The following ARSD variants were observed in gnomAD, a reference collection of about 807,000 sequenced individuals.
ARSD encodes the protein testis tissue sperm-binding protein Li 39a.
In ARSD, 21 loss-of-function variants were observed where a neutral mutation model predicts 32.6. The observed-to-expected ratio is 0.64, with a 90% CI of 0.46 to 0.93. ARSD has a LOEUF of 0.93. ARSD is among the 40% of genes least tolerant of loss of function. The pLI, the probability that ARSD is intolerant of heterozygous loss-of-function variation, is 0.00. For missense variants in ARSD, 454 were observed against 520.9 expected, an observed-to-expected ratio of 0.87 and a Z score of 1.25; for synonymous variants, 224 against 237.4, an observed-to-expected ratio of 0.94 and a Z score of 0.52.
intron 1 of ARSD, 81 bp from the exon 2 acceptor site, chrX:2,925,846 A>T: frequency 1.0e-6 from 1 of 997,121 alleles, no homozygotes; most frequent in African/African-American, 1.9e-5. Flanking sequence ...CTCGCTGGGA[A>T]GGCGAAGGTC....
At position 2,918,066 on chromosome X, in the gene ARSD, A is replaced by G. The variant is rs1236434935; in HGVS notation, c.601T>C (p.Trp201Arg). 2 of 1,200,312 alleles carry G rather than the reference A, an allele frequency of 1.7e-6. No homozygotes were observed. The highest frequency in any genetic ancestry group is 2.2e-6 in the Non-Finnish European group (2 of 889,819). The stretch of plus-strand genomic sequence containing the variant: ...AGCGCCAGGAACTGGGTGTAACCCC[A>G]GAGCTGCGCCCTCAGGGCGGCGTCC... ...EVDAALRAQL[W>R]GYTQFLALGI... The change falls in exon 5 of 10, where the codon TGG becomes CGG. Residue 201 changes from tryptophan to arginine, a missense_variant. Coordinates refer to ENST00000381154, the MANE Select transcript of ARSD (RefSeq NM_001669.4).
At chrX:2,928,590 C>T (rs1050199563) in intron 1 of ARSD, among the ~76,000 whole-genome samples, 1 of 94,106 alleles carries the variant, frequency 1.1e-5, no homozygotes, top group South Asian at 5.9e-4. Flanking sequence ...CACAGCTGTG[C>T]TCGGGAGGAC....
intron 1 of ARSD, among the ~76,000 whole-genome samples, chrX:2,928,976 T>TC (rs934679460): frequency 1.7e-4 from 19 of 110,937 alleles, no homozygotes; most frequent in Non-Finnish European, 3.0e-4. Context: ...CCTTCCGCCT[T>TC]CCCTTCAGTT....
In ARSD at chrX:2,907,454, G is replaced by A. The variant is rs777709121; in HGVS notation, c.1599C>T (p.Ser533=). The A allele has an allele frequency of 2.6e-5, 32 of 1,209,030 alleles. No homozygotes were observed. The highest frequency in any genetic ancestry group is 3.0e-5 in the East Asian group (1 of 33,707). ...CTATCACGGCGTGGTACAGGGGCTC[G>A]GAGTCGGGGGTCAGGGGCCGTGCCT... The part of the protein sequence containing the change: ...PSEARPLTPD[S]EPLYHAVIAR... The change falls in exon 10 of 10, where the codon TCC becomes TCT. Residue 533 remains serine (S), a synonymous_variant. Coordinates refer to ENST00000381154, the MANE Select transcript of ARSD (RefSeq NM_001669.4).
rs2088844409 is a variant in ARSD at position 2,905,273 on chromosome X, G to C, written c.*1998C>G. 8.6e-5 allele frequency: 19 copies of C among 221,154 alleles called. No individual in the cohort carries two copies. In the South Asian group the frequency reaches 9.7e-4, roughly 11 times the overall value. The allele number at this position is 221,154 out of a possible 1,213,427, so 18.2% of individuals were successfully genotyped here. On this transcript the variant is annotated 3_prime_UTR_variant, in exon 10 of 10. Coordinates refer to ENST00000381154, the MANE Select transcript of ARSD (RefSeq NM_001669.4). ...CACCTAATACCTGGTATTGAACACTGCCTTTCTTAGATGTCATTTAGGCTC... is the reference window on the plus strand; with the variant it reads ...CACCTAATACCTGGTATTGAACACTCCCTTTCTTAGATGTCATTTAGGCTC...
chrX:2,929,313 C>T lies in ARSD; in HGVS notation c.-38G>A, dbSNP rs1266100612. ...GCCCAGAGCGCAGGACCTTGCCCTG[C>T]GCACTCCGCGCCCGGGCGCCGCTAG... On this transcript the variant is annotated 5_prime_UTR_variant, in exon 1 of 10. Transcript: ENST00000381154. 2.1e-6 allele frequency: 2 copies of T among 942,039 alleles called. No homozygotes were observed. The highest frequency in any genetic ancestry group is 5.9e-5 in the Admixed American group (1 of 17,092). The allele number at this position is 942,039 out of a possible 1,213,427, so 77.6% of individuals were successfully genotyped here.
At chrX:2,926,842 T>C (rs927916542) in intron 1 of ARSD, among the ~76,000 whole-genome samples, 2 of 111,421 alleles carry the variant, frequency 1.8e-5, no homozygotes, top group Non-Finnish European at 3.8e-5. Flanking sequence ...CTGCCCAGGC[T>C]GTAGTGGCAT....
At chrX:2,913,067 C>T (rs2088915701) in intron 6 of ARSD, among the ~76,000 whole-genome samples, 1 of 111,890 alleles carries the variant, frequency 8.9e-6, no homozygotes, top group Non-Finnish European at 1.9e-5. Context: ...GTGGCTGGGG[C>T]AAAGCTTGGT....
At chrX:2,929,119 G>A (rs1238585842) in intron 1 of ARSD, 113 bp downstream of exon 1, 3 of 723,564 alleles carry the variant, frequency 4.1e-6, no homozygotes, top group Non-Finnish European at 5.4e-6. Context: ...ACACAACCAC[G>A]CCCTTTACAG....
In ARSD at chrX:2,909,802, C is replaced by G; in HGVS notation, c.1298+15G>C. 1 of 1,169,080 alleles carries G rather than the reference C, an allele frequency of 8.6e-7. No homozygotes were observed. The highest frequency in any genetic ancestry group is 1.1e-6 in the Non-Finnish European group (1 of 872,022). On this transcript the variant is annotated intron_variant, in intron 8 of 9. Coordinates refer to ENST00000381154, the MANE Select transcript of ARSD (RefSeq NM_001669.4). Reference sequence around the variant, plus strand: ...TAAAAAAAATCAGGGAACAGGCAGCCTTATCTCCACGTACCTGTCCTGGGG... The same window carrying G: ...TAAAAAAAATCAGGGAACAGGCAGCGTTATCTCCACGTACCTGTCCTGGGG...
At chrX:2,923,996 G>A (rs1270548511) in intron 2 of ARSD, among the ~76,000 whole-genome samples, 1 of 112,334 alleles carries the variant, frequency 8.9e-6, no homozygotes, top group African/African-American at 3.2e-5. Flanking sequence ...GCCTGCTCAG[G>A]GTGTTCGAAA....
At chrX:2,924,985 G>C (rs1424949869) in intron 2 of ARSD, among the ~76,000 whole-genome samples, 2 of 111,764 alleles carry the variant, frequency 1.8e-5, no homozygotes, top group Non-Finnish European at 3.8e-5. Flanking sequence ...CTCACCCTAA[G>C]GACCTCAGTT....
intron 2 of ARSD, among the ~76,000 whole-genome samples, chrX:2,924,681 A>G (rs1007663453): frequency 1.4e-4 from 16 of 112,542 alleles, no homozygotes; most frequent in African/African-American, 3.9e-4. Context: ...CCTTGCTTAG[A>G]AAAACTGTCT....
intron 2 of ARSD, among the ~76,000 whole-genome samples, chrX:2,924,343 C>T (rs745726406): frequency 1.8e-5 from 2 of 113,693 alleles, no homozygotes; most frequent in East Asian, 5.6e-4. Flanking sequence ...CCACACAGGG[C>T]AGACTGCTGC....
intron 5 of ARSD, 56 bp downstream of exon 5, chrX:2,917,748 G>C: frequency 8.9e-7 from 1 of 1,121,354 alleles, no homozygotes; most frequent in Non-Finnish European, 1.2e-6. Flanking sequence ...TAGGATGACA[G>C]GCATGAGCCA....
Position 2,910,699 on chromosome X carries a change from ATCTCTTGCC to A in ARSD, c.1086_1094del (p.Glu362_Arg364del). The stretch of plus-strand genomic sequence containing the variant: ...TCCATCCCCCTAACTGGCTGTGTCC[ATCTCTTGCC>A]TCTAAATGTCCTCCATGGTCAGAGG... On this transcript the variant is annotated inframe_deletion, in exon 7 of 10. Transcript: ENST00000381154. The A allele has an allele frequency of 2.5e-6, 3 of 1,212,059 alleles. No homozygotes were observed. Among genetic ancestry groups the A allele is most frequent in the Non-Finnish European group, 3.3e-6 (3 of 895,533 alleles).
At position 2,914,425 on chromosome X, in the gene ARSD, G is replaced by C. The variant is rs1482001266; in HGVS notation, c.1000+1131C>G. ...TTAAATTTTTTGTAGAGATGGGGGGGGGGGGCGTCTCACTATGTTGCCCAG... is the reference window on the plus strand; with the variant it reads ...TTAAATTTTTTGTAGAGATGGGGGGCGGGGGCGTCTCACTATGTTGCCCAG... On this transcript the variant is annotated intron_variant, in intron 6 of 9. Coordinates refer to ENST00000381154, the MANE Select transcript of ARSD (RefSeq NM_001669.4). The C allele has an allele frequency of 2.0e-5, 10 of 501,615 alleles. 1 individual carries two copies. The highest frequency in any genetic ancestry group is 2.7e-5 in the African/African-American group (1 of 37,409). 41.3% of individuals were successfully genotyped at this position (501,615 alleles called of 1,213,427 possible). A position where few individuals can be genotyped will look rare whatever the true frequency, so the allele number is the denominator to read the frequency against.
At chrX:2,914,669 G>A (rs1172017581) in intron 6 of ARSD, 1 of 1,027,543 alleles carries the variant, frequency 9.7e-7, no homozygotes, top group Non-Finnish European at 1.3e-6. Flanking sequence ...CCTCTCCAGG[G>A]TTTCTTGAAG....
At position 2,905,298 on chromosome X, in the gene ARSD, C is replaced by A. The variant is rs770404281; in HGVS notation, c.*1973G>T. ...GCCTTTCTTAGATGTCATTTAGGCT[C>A]TCGTTTCAATTCCCAGTATGCTTCC... On this transcript the variant is annotated 3_prime_UTR_variant, in exon 10 of 10. Transcript: ENST00000381154. The A allele has an allele frequency of 9.1e-6, 2 of 219,453 alleles. No homozygotes were observed. Among genetic ancestry groups the A allele is most frequent in the Admixed American group, 1.3e-4 (2 of 15,705 alleles). 18.1% of individuals were successfully genotyped at this position (219,453 alleles called of 1,213,427 possible).
Sources: gnomAD v4.1 joint callset for allele counts (sites outside exome capture counted in the v4.1 genomes callset) on GRCh38, gnomAD v4.1.1 for gene constraint, MANE v1.5 for transcripts, NCBI Gene and HGNC (gene_info 2026-07-23, HGNC 2026-07-21) for gene names.